LRMDA: variants seen among roughly 807,000 people sequenced by gnomAD.
LRMDA encodes leucine-rich melanocyte differentiation-associated protein.
LRMDA carries 18 observed loss-of-function variants against 29.8 expected under a neutral mutation model. The observed-to-expected ratio is 0.60, with a 90% CI of 0.42 to 0.90. LRMDA has a LOEUF of 0.90. Among genes scored for constraint, LRMDA ranks in the 40% least tolerant of loss-of-function variants. The pLI is 0.00. For missense variants in LRMDA, 273 were observed against 273.9 expected, an observed-to-expected ratio of 1.00 and a Z score of 0.02; for synonymous variants, 125 against 109.4, an observed-to-expected ratio of 1.14 and a Z score of -0.89.
chr10:76,099,094 C>T (rs185892527), intron 5 of LRMDA, among the ~76,000 whole-genome samples: 1 of 152,284 alleles, frequency 6.6e-6, no homozygotes, highest in East Asian at 1.9e-4. Context: ...TTGTGCCTTC[C>T]AGCTACATGA....
chr10:75,437,954 G>A (rs1482799873), intron 1 of LRMDA, among the ~76,000 whole-genome samples: 1 of 152,162 alleles, frequency 6.6e-6, no homozygotes, highest in Non-Finnish European at 1.5e-5. Flanking sequence ...ATGCTGGTAA[G>A]TGCATCTGCT....
chr10:75,605,326 A>G (rs916511421), intron 2 of LRMDA, among the ~76,000 whole-genome samples: 4 of 152,160 alleles, frequency 2.6e-5, no homozygotes, highest in Non-Finnish European at 4.4e-5. Context: ...AATATAGAAG[A>G]CAGTCTGTTC....
intron 5 of LRMDA, among the ~76,000 whole-genome samples, chr10:76,158,659 C>A (rs997842491): frequency 9.2e-5 from 14 of 152,220 alleles, no homozygotes; most frequent in Admixed American, 3.3e-4. Flanking sequence ...AATGGATTGA[C>A]TTGTTGAATA....
intron 2 of LRMDA, among the ~76,000 whole-genome samples, chr10:75,776,440 C>T (rs886592082): frequency 2.0e-5 from 3 of 152,160 alleles, no homozygotes; most frequent in African/African-American, 7.2e-5. Flanking sequence ...CCAACATAAG[C>T]TTGAAATGCA....
intron 2 of LRMDA, among the ~76,000 whole-genome samples, chr10:75,898,595 C>T (rs1038982530): frequency 6.6e-5 from 10 of 151,254 alleles, no homozygotes; most frequent in Middle Eastern, 3.4e-3. Flanking sequence ...ACCCTGGGAA[C>T]GGGCACTGCC....
At chr10:76,098,902 T>C (rs1043147217) in intron 5 of LRMDA, among the ~76,000 whole-genome samples, 3 of 152,078 alleles carry the variant, frequency 2.0e-5, no homozygotes, top group African/African-American at 7.2e-5. Flanking sequence ...AATAGGGAGG[T>C]GAAGCTGTCC....
chr10:75,622,372 TG>T (rs1481627296), intron 2 of LRMDA, among the ~76,000 whole-genome samples: 4 of 151,876 alleles, frequency 2.6e-5, no homozygotes, highest in African/African-American at 9.7e-5. Flanking sequence ...GTGCACAAAA[TG>T]GTGTGTGTGT....
intron 5 of LRMDA, among the ~76,000 whole-genome samples, chr10:76,295,135 C>T (rs892622816): frequency 6.6e-6 from 1 of 152,092 alleles, no homozygotes; most frequent in Non-Finnish European, 1.5e-5. Flanking sequence ...AAGGAGAAAC[C>T]TAGGACTATG....
chr10:75,708,868 G>C (rs1332276251), intron 2 of LRMDA, among the ~76,000 whole-genome samples: 1 of 152,140 alleles, frequency 6.6e-6, no homozygotes, highest in Non-Finnish European at 1.5e-5. Context: ...CTGTGTTTGC[G>C]AGGCTTGACC....
At chr10:76,275,424 T>C (rs1840119247) in intron 5 of LRMDA, among the ~76,000 whole-genome samples, 1 of 152,142 alleles carries the variant, frequency 6.6e-6, no homozygotes, top group South Asian at 2.1e-4. Flanking sequence ...TTTTTAAGTA[T>C]ATGTTTGAAT....
At chr10:76,426,749 G>C (rs954980725) in intron 6 of LRMDA, among the ~76,000 whole-genome samples, 10 of 152,312 alleles carry the variant, frequency 6.6e-5, no homozygotes, top group Non-Finnish European at 1.5e-4. Context: ...TAACATTTAA[G>C]TCTTTAATCC....
intron 2 of LRMDA, among the ~76,000 whole-genome samples, chr10:75,685,350 C>T (rs1164386544): frequency 6.6e-6 from 1 of 152,134 alleles, no homozygotes; most frequent in African/African-American, 2.4e-5. Flanking sequence ...GGCAGATTTA[C>T]ATCACAAGGT....
intron 2 of LRMDA, among the ~76,000 whole-genome samples, chr10:75,612,295 C>G (rs1239432374): frequency 1.3e-5 from 2 of 152,144 alleles, no homozygotes; most frequent in African/African-American, 2.4e-5. Context: ...GCCCTTTAGC[C>G]TACCTCTTTT....
At chr10:76,158,248 T>C (rs1250027533) in intron 5 of LRMDA, among the ~76,000 whole-genome samples, 3 of 152,270 alleles carry the variant, frequency 2.0e-5, no homozygotes, top group African/African-American at 2.4e-5. Context: ...GCATTTATTC[T>C]CTTTTCCTTT....
At chr10:75,812,179 A>G (rs1843976194) in intron 2 of LRMDA, among the ~76,000 whole-genome samples, 1 of 128,044 alleles carries the variant, frequency 7.8e-6, no homozygotes, top group Non-Finnish European at 1.6e-5. Flanking sequence ...CTTTTGTATC[A>G]GGGAATCAAT....
At chr10:76,164,093 C>A (rs902646935) in intron 5 of LRMDA, among the ~76,000 whole-genome samples, 1 of 151,934 alleles carries the variant, frequency 6.6e-6, no homozygotes, top group Admixed American at 6.6e-5. Flanking sequence ...AGTCTGGAAG[C>A]CTCTTTAGAA....
At chr10:75,698,005 T>G (rs1842258910) in intron 2 of LRMDA, among the ~76,000 whole-genome samples, 1 of 152,214 alleles carries the variant, frequency 6.6e-6, no homozygotes, top group South Asian at 2.1e-4. Context: ...ACAGTCGCCC[T>G]CTGGAGTAGA....
intron 6 of LRMDA, among the ~76,000 whole-genome samples, chr10:76,329,829 G>T (rs761672275): frequency 6.6e-6 from 1 of 152,126 alleles, no homozygotes; most frequent in Non-Finnish European, 1.5e-5. Flanking sequence ...GAAAAAGACC[G>T]AAAGAAAAAC....
intron 3 of LRMDA, among the ~76,000 whole-genome samples, chr10:76,045,015 GT>G (rs1848409026): frequency 7.2e-6 from 1 of 139,564 alleles, no homozygotes; most frequent in Admixed American, 7.6e-5. Flanking sequence ...TCTCTTGCTA[GT>G]TTCCCCCTCT....
Sources: gnomAD v4.1 joint callset for allele counts (sites outside exome capture counted in the v4.1 genomes callset) on GRCh38, gnomAD v4.1.1 for gene constraint, MANE v1.5 for transcripts, NCBI Gene and HGNC (gene_info 2026-07-23, HGNC 2026-07-21) for gene names.